The following CAB39L variants were observed in gnomAD, a reference collection of about 807,000 sequenced individuals.
CAB39L encodes calcium-binding protein 39-like.
CAB39L carries 23 observed loss-of-function variants against 39.1 expected under a neutral mutation model. That is an observed-to-expected ratio of 0.59 (90% CI 0.42 to 0.83). The LOEUF is 0.83. Ranked by LOEUF, CAB39L falls within the 40% of genes least tolerant of loss-of-function variation. The probability of loss-of-function intolerance (pLI) is 0.00; values close to 1 mark genes in which losing one functional copy is unlikely to be tolerated. For synonymous variants in CAB39L, 126 were observed against 137.2 expected, an observed-to-expected ratio of 0.92 and a Z score of 0.57; for missense variants, 366 against 391.9, an observed-to-expected ratio of 0.93 and a Z score of 0.56.
chr13:49,361,909 C>T (rs1178289921), intron 5 of CAB39L, among the ~76,000 whole-genome samples: 2 of 152,142 alleles, frequency 1.3e-5, no homozygotes, highest in South Asian at 2.1e-4. Flanking sequence ...CAAATACTTA[C>T]TGAGTGCTTA....
intron 5 of CAB39L, among the ~76,000 whole-genome samples, chr13:49,370,857 C>T (rs925625291): frequency 6.6e-6 from 1 of 152,100 alleles, no homozygotes; most frequent in African/African-American, 2.4e-5. Context: ...AGGATAAAGG[C>T]CTTCTAAAGC....
intron 5 of CAB39L, among the ~76,000 whole-genome samples, chr13:49,365,061 T>C (rs1323791839): frequency 3.3e-5 from 5 of 152,070 alleles, no homozygotes; most frequent in Non-Finnish European, 1.5e-5. Flanking sequence ...CAGAGCTATA[T>C]AGTAACCAAA....
chr13:49,419,260 TA>T (rs1252314774), intron 3 of CAB39L, among the ~76,000 whole-genome samples: 1 of 152,196 alleles, frequency 6.6e-6, no homozygotes, highest in African/African-American at 2.4e-5. Context: ...GAACCACCCT[TA>T]GTCATCAAAA....
At chr13:49,371,747 T>C (rs1308847842) in intron 5 of CAB39L, among the ~76,000 whole-genome samples, 4 of 151,856 alleles carry the variant, frequency 2.6e-5, no homozygotes, top group Admixed American at 6.6e-5. Context: ...CAGGCAGGCA[T>C]ACTCTGCTAA....
intron 3 of CAB39L, among the ~76,000 whole-genome samples, chr13:49,411,789 C>T (rs1229168479): frequency 6.6e-6 from 1 of 152,008 alleles, no homozygotes; most frequent in East Asian, 1.9e-4. Flanking sequence ...AGCTGGAGAC[C>T]CATTCCTTAT....
intron 7 of CAB39L, among the ~76,000 whole-genome samples, chr13:49,346,841 C>A (rs1397257289): frequency 6.6e-6 from 1 of 152,124 alleles, no homozygotes; most frequent in Admixed American, 6.5e-5. Flanking sequence ...CAAACCACTT[C>A]TATTATGGGA....
intron 6 of CAB39L, among the ~76,000 whole-genome samples, chr13:49,354,562 G>A (rs1028110576): frequency 5.9e-5 from 9 of 152,192 alleles, no homozygotes; most frequent in African/African-American, 2.2e-4. Flanking sequence ...CTGATGGCAA[G>A]GATCCTGCCT....
chr13:49,401,962 T>C (rs1362911369), intron 3 of CAB39L, among the ~76,000 whole-genome samples: 1 of 152,162 alleles, frequency 6.6e-6, no homozygotes, highest in African/African-American at 2.4e-5. Flanking sequence ...GTACTTATAA[T>C]TTAAACTGTG....
At chr13:49,387,479 C>T (rs570042326) in intron 3 of CAB39L, among the ~76,000 whole-genome samples, 5 of 152,288 alleles carry the variant, frequency 3.3e-5, no homozygotes, top group South Asian at 4.1e-4. Flanking sequence ...GTTGAGACCA[C>T]GCACATCAAC....
At chr13:49,352,179 G>A (rs921705769) in intron 6 of CAB39L, among the ~76,000 whole-genome samples, 3 of 151,718 alleles carry the variant, frequency 2.0e-5, no homozygotes, top group South Asian at 2.1e-4. Flanking sequence ...CAAACGAAAC[G>A]TCTACTGTGG....
intron 3 of CAB39L, among the ~76,000 whole-genome samples, chr13:49,384,784 T>C (rs1956322571): frequency 6.6e-6 from 1 of 152,166 alleles, no homozygotes; most frequent in African/African-American, 2.4e-5. Flanking sequence ...ACATTGTCAA[T>C]GAGCAGTAAT....
chr13:49,406,333 A>ATTTTTTTTTTTT (rs34078174), intron 3 of CAB39L, among the ~76,000 whole-genome samples: 28 of 90,596 alleles, frequency 3.1e-4, no homozygotes, highest in Middle Eastern at 6.5e-3. Context: ...ATGCCCAGCT[A>ATTTTTTTTTTTT]TTTTTTTTTT....
intron 10 of CAB39L, among the ~76,000 whole-genome samples, chr13:49,327,418 C>T (rs7337903): frequency 0.29 from 43,289 of 151,802 alleles, 7,216 homozygotes; most frequent in African/African-American, 0.47. Flanking sequence ...ACAATCCTGC[C>T]CTAGCCCACT....
chr13:49,336,949 T>C (rs562934788), intron 9 of CAB39L, among the ~76,000 whole-genome samples: 2 of 152,300 alleles, frequency 1.3e-5, no homozygotes, highest in South Asian at 2.1e-4. Context: ...ACTACTGGGC[T>C]TTTTTTCTAG....
chr13:49,371,491 G>A lies in CAB39L; in HGVS notation c.276+5476C>T, dbSNP rs184625181. 8.5e-5 allele frequency among the ~76,000 whole-genome samples: 13 copies of A among 152,228 alleles called. No individual in the cohort carries two copies. The East Asian group carries it at 2.3e-3, about 27-fold the overall frequency. ...CCTGGCCAAGGGCCACTTTAATCAG[G>A]TCCAGGGAATAGAAAAAGATTATTA... On this transcript the variant is annotated intron_variant, in intron 5 of 10. Transcript: ENST00000409308.
chr13:49,439,921 GTT>G (rs34993624), intron 1 of CAB39L, among the ~76,000 whole-genome samples: 6 of 78,580 alleles, frequency 7.6e-5, no homozygotes, highest in Admixed American at 1.8e-4. Context: ...TTTTTAATGG[GTT>G]TTTTTTTTTT....
intron 10 of CAB39L, among the ~76,000 whole-genome samples, chr13:49,329,597 AAT>A (rs1323891851): frequency 1.1e-4 from 14 of 126,756 alleles, no homozygotes; most frequent in African/African-American, 3.9e-4. Flanking sequence ...ATATATATAT[AAT>A]GATGTAATAA....
At chr13:49,417,529 C>G (rs1457736986) in intron 3 of CAB39L, among the ~76,000 whole-genome samples, 1 of 152,010 alleles carries the variant, frequency 6.6e-6, no homozygotes, top group Non-Finnish European at 1.5e-5. Context: ...TGTAAATAAA[C>G]AATAGAATAA....
intron 5 of CAB39L, among the ~76,000 whole-genome samples, chr13:49,371,580 C>T (rs1955920185): frequency 6.6e-6 from 1 of 151,970 alleles, no homozygotes; most frequent in Non-Finnish European, 1.5e-5. Context: ...AAAAGTTGAT[C>T]CTGGAGTGTT....
Sources: allele counts gnomAD v4.1 joint callset (sites outside exome capture counted in the v4.1 genomes callset), GRCh38; gene constraint gnomAD v4.1.1; transcripts MANE v1.5; gene names NCBI Gene and HGNC (gene_info 2026-07-23, HGNC 2026-07-21).